The following ATP2B4 variants were observed in gnomAD, a reference collection of about 807,000 sequenced individuals.
ATP2B4 encodes the protein ATPase plasma membrane Ca2+ transporting 4, also known as plasma membrane calcium-transporting ATPase 4.
ATP2B4 carries 39 observed loss-of-function variants against 110.3 expected under a neutral mutation model. The observed-to-expected ratio is 0.35, with a 90% confidence interval of 0.27 to 0.46. The LOEUF is 0.46. ATP2B4 is among the 20% of genes least tolerant of loss of function. The pLI is 1.00. For synonymous variants in ATP2B4, 538 were observed against 571.7 expected, an observed-to-expected ratio of 0.94 and a Z score of 0.84; for missense variants, 1,135 against 1,530.9, an observed-to-expected ratio of 0.74 and a Z score of 4.32.
chr1:203,664,650 G>A (rs764681455), intron 1 of ATP2B4, among the ~76,000 whole-genome samples: 14 of 152,092 alleles, frequency 9.2e-5, no homozygotes, highest in Non-Finnish European at 7.4e-5. Flanking sequence ...AGCCTGGCCC[G>A]GGTGCAGGGG....
At chr1:203,723,860 C>T (rs1666422632) in intron 18 of ATP2B4, 21 bp from the exon 19 acceptor site, 1 of 1,573,316 alleles carries the variant, frequency 6.4e-7, no homozygotes, top group Non-Finnish European at 8.6e-7. Context: ...TGATGGTGGG[C>T]TGCCCCTTTC....
chr1:203,731,626 C>T (rs947130620), intron 20 of ATP2B4, among the ~76,000 whole-genome samples: 8 of 151,704 alleles, frequency 5.3e-5, no homozygotes, highest in African/African-American at 1.9e-4. Context: ...CTGAGGAAGG[C>T]AAATCACAAG....
rs183560333 is a variant in ATP2B4, at chr1:203,650,643, G to C, written c.-465+23424G>C. 3.0e-3 allele frequency among the ~76,000 whole-genome samples: 459 copies of C among 152,296 alleles called. 4 individuals carry two copies. The East Asian group carries it at 0.038, about 12-fold the overall frequency. On this transcript the variant is annotated intron_variant, in intron 1 of 20. Transcript: ENST00000357681. The stretch of plus-strand genomic sequence containing the variant: ...CTGCAGGTCCGAACTCGGCCGGCCC[G>C]GGGCGAGGGCGGGCGGGGAGCGGGG...
chr1:203,670,137 C>T (rs1463039756), intron 1 of ATP2B4, among the ~76,000 whole-genome samples: 1 of 151,968 alleles, frequency 6.6e-6, no homozygotes, highest in African/African-American at 2.4e-5. Flanking sequence ...TTTATGTATT[C>T]CCAAGTAATG....
At chr1:203,640,121 A>G (rs1178989483) in intron 1 of ATP2B4, among the ~76,000 whole-genome samples, 7 of 152,156 alleles carry the variant, frequency 4.6e-5, no homozygotes, top group African/African-American at 1.7e-4. Flanking sequence ...TCCCATAAAC[A>G]TTAAAGTGCT....
chr1:203,727,297 A>G (rs916016456), intron 19 of ATP2B4, 98 bp from the exon 20 acceptor site: 1 of 1,431,450 alleles, frequency 7.0e-7, no homozygotes, highest in Non-Finnish European at 9.5e-7. Context: ...GTGGTAGGGC[A>G]AAGAGTAACC....
chr1:203,737,244 A>G (rs1307703791), intron 20 of ATP2B4, among the ~76,000 whole-genome samples: 3 of 152,138 alleles, frequency 2.0e-5, no homozygotes, highest in South Asian at 4.1e-4. Flanking sequence ...TTCACATGTA[A>G]TTTTTTCCAA....
intron 1 of ATP2B4, among the ~76,000 whole-genome samples, chr1:203,678,671 T>A (rs935564962): frequency 6.6e-6 from 1 of 152,196 alleles, no homozygotes; most frequent in African/African-American, 2.4e-5. Context: ...TCCAAAGTGC[T>A]GGGATTACAG....
intron 13 of ATP2B4, among the ~76,000 whole-genome samples, chr1:203,712,586 G>A (rs1004932379): frequency 7.3e-5 from 11 of 150,702 alleles, no homozygotes; most frequent in African/African-American, 2.2e-4. Context: ...GCAAGACTCC[G>A]TCTCAAAAAA....
intron 2 of ATP2B4, among the ~76,000 whole-genome samples, chr1:203,695,305 G>C (rs1162988282): frequency 6.6e-6 from 1 of 152,248 alleles, no homozygotes; most frequent in Non-Finnish European, 1.5e-5. Context: ...GAAAGGACCA[G>C]CAAGGCCCTG....
At chr1:203,642,698 A>C (rs1457280804) in intron 1 of ATP2B4, among the ~76,000 whole-genome samples, 1 of 152,162 alleles carries the variant, frequency 6.6e-6, no homozygotes, top group East Asian at 1.9e-4. Flanking sequence ...CCTGTGTCCT[A>C]AATCACCTAG....
chr1:203,728,545 C>G (rs1003082276), intron 20 of ATP2B4, among the ~76,000 whole-genome samples: 1 of 152,172 alleles, frequency 6.6e-6, no homozygotes, highest in Non-Finnish European at 1.5e-5. Flanking sequence ...CTAAAACTGG[C>G]CTTGCAAATG....
chr1:203,662,711 T>C (rs1404845076), intron 1 of ATP2B4, among the ~76,000 whole-genome samples: 1 of 152,224 alleles, frequency 6.6e-6, no homozygotes, highest in Non-Finnish European at 1.5e-5. Context: ...CATCTGCCCA[T>C]GGAGGCCCTC....
At position 203,721,285 on chromosome 1, in the gene ATP2B4, C is replaced by T. The variant is rs528179125; in HGVS notation, c.2687C>T (p.Thr896Met). 4.0e-5 allele frequency: 65 copies of T among 1,614,236 alleles called. No individual in the cohort carries two copies. In the South Asian group the frequency reaches 4.5e-4, roughly 11 times the overall value. Residue 896 changes from threonine (T) to methionine (M), a missense_variant, in exon 17 of 21, where the codon ACG (threonine) becomes ATG (methionine). Physicochemically the swap from Thr to Met is moderately conservative, Grantham distance 81. This residue lies in a region of ATP2B4 where 155 missense variants were observed against 186.2 expected (regional missense o/e 0.83). Transcript: ENST00000357681. ...ASLALATEPP[T>M]ESLLKRRPYG... ...TTGGCCCTGGCCACAGAGCCCCCTA[C>T]GGAATCTCTGTTGAAGCGGCGCCCC...
intron 4 of ATP2B4, 48 bp from the exon 5 acceptor site, chr1:203,700,158 G>A (rs997393474): frequency 1.3e-6 from 2 of 1,584,434 alleles, no homozygotes; most frequent in Non-Finnish European, 1.7e-6. Flanking sequence ...CCCTCAGCCA[G>A]TCTCTTACTA....
At chr1:203,671,566 T>G (rs1664663649) in intron 1 of ATP2B4, among the ~76,000 whole-genome samples, 1 of 152,186 alleles carries the variant, frequency 6.6e-6, no homozygotes, top group Admixed American at 6.5e-5. Flanking sequence ...TTCCATCGAA[T>G]AGATGCAGAC....
At chr1:203,691,714 G>A (rs920960383) in intron 2 of ATP2B4, among the ~76,000 whole-genome samples, 3 of 151,984 alleles carry the variant, frequency 2.0e-5, no homozygotes, top group South Asian at 2.1e-4. Flanking sequence ...CAAGCCATGC[G>A]TGTATTAAAC....
intron 13 of ATP2B4, among the ~76,000 whole-genome samples, chr1:203,712,754 C>T (rs960508306): frequency 6.6e-6 from 1 of 152,078 alleles, no homozygotes; most frequent in African/African-American, 2.4e-5. Context: ...TGTCCCTGCC[C>T]TTTGGCTAAC....
chr1:203,739,904 C>T lies in ATP2B4; in HGVS notation c.*50C>T. ...CTATTTTACCTATTTCCATTTTCGTCTATCCCATCTATGAGGTGATGATGG... is the reference window on the plus strand; with the variant it reads ...CTATTTTACCTATTTCCATTTTCGTTTATCCCATCTATGAGGTGATGATGG... On this transcript the variant is annotated 3_prime_UTR_variant, in exon 21 of 21. Coordinates refer to ENST00000357681, the MANE Select transcript of ATP2B4 (RefSeq NM_001684.5). The T allele has an allele frequency of 6.4e-6, 10 of 1,553,214 alleles. No homozygotes were observed. The highest frequency in any genetic ancestry group is 7.8e-6 in the Non-Finnish European group (9 of 1,146,720).
Sources: gnomAD v4.1 joint callset for allele counts (sites outside exome capture counted in the v4.1 genomes callset) on GRCh38, gnomAD v4.1.1 for gene constraint, gnomAD v4.1.1 regional missense constraint, MANE v1.5 for transcripts, NCBI Gene and HGNC (gene_info 2026-07-23, HGNC 2026-07-21) for gene names.